Variants in ERO1A observed in about 807,000 individuals in gnomAD.
The protein encoded by ERO1A is ERO1-like protein alpha.
A neutral mutation model predicts 76.9 loss-of-function variants in ERO1A; 49 were observed. The observed-to-expected ratio is 0.64, with a 90% CI of 0.51 to 0.81. ERO1A has a LOEUF of 0.81. ERO1A is among the 30% of genes least tolerant of loss of function. ERO1A has a pLI of 0.00. For synonymous variants in ERO1A, 174 were observed against 181.2 expected, an observed-to-expected ratio of 0.96 and a Z score of 0.32; for missense variants, 448 against 542.1, an observed-to-expected ratio of 0.83 and a Z score of 1.72.
rs2039464768 is a variant in ERO1A, at chr14:52,641,358, T to C, written c.*2212A>G. 2 of 150,116 alleles carry C rather than the reference T, an allele frequency of 1.3e-5. No individual in the cohort carries two copies. The highest frequency in any genetic ancestry group is 4.9e-5 in the African/African-American group (2 of 40,664). 9.3% of individuals were successfully genotyped at this position (150,116 alleles called of 1,614,324 possible). Reference sequence around the variant, plus strand: ...GGCTCACGCCTGTAATCCCAGCACTTTGGGAGGTCGAGGTGGGTGGATCAC... The same window carrying C: ...GGCTCACGCCTGTAATCCCAGCACTCTGGGAGGTCGAGGTGGGTGGATCAC... On this transcript the variant is annotated 3_prime_UTR_variant, in exon 16 of 16. Coordinates refer to ENST00000395686, the MANE Select transcript of ERO1A (RefSeq NM_014584.3).
At chr14:52,694,678 C>G (rs1036868602) in intron 1 of ERO1A, among the ~76,000 whole-genome samples, 2 of 152,024 alleles carry the variant, frequency 1.3e-5, no homozygotes, top group African/African-American at 4.8e-5. Flanking sequence ...AACCACATCT[C>G]TTACAGAAGG....
At chr14:52,691,563 G>C (rs907151426) in intron 1 of ERO1A, among the ~76,000 whole-genome samples, 4 of 152,128 alleles carry the variant, frequency 2.6e-5, no homozygotes, top group African/African-American at 7.2e-5. Context: ...TCTCTCCCAC[G>C]GCCCAGCCAC....
At chr14:52,693,466 G>C (rs774671445) in intron 1 of ERO1A, among the ~76,000 whole-genome samples, 7 of 152,106 alleles carry the variant, frequency 4.6e-5, no homozygotes, top group Non-Finnish European at 8.8e-5. Context: ...GCGGGACCTT[G>C]TGATCATGTG....
chr14:52,650,490 T>TAA (rs34931114), intron 13 of ERO1A, among the ~76,000 whole-genome samples: 36 of 142,664 alleles, frequency 2.5e-4, no homozygotes, highest in Admixed American at 4.9e-4. Context: ...TAAACCTACT[T>TAA]AAAAAAAAAA....
At chr14:52,688,003 C>T (rs1401639207) in intron 1 of ERO1A, among the ~76,000 whole-genome samples, 1 of 152,016 alleles carries the variant, frequency 6.6e-6, no homozygotes, top group Admixed American at 6.6e-5. Context: ...CTGGGCAACA[C>T]AGTGAGGCCC....
At chr14:52,675,267 C>T (rs1042832719) in intron 4 of ERO1A, among the ~76,000 whole-genome samples, 6 of 151,890 alleles carry the variant, frequency 4.0e-5, no homozygotes, top group African/African-American at 1.5e-4. Context: ...CCTGTAATCC[C>T]AGCTACTCGG....
At chr14:52,685,740 G>T (rs2041155570) in intron 1 of ERO1A, among the ~76,000 whole-genome samples, 3 of 152,110 alleles carry the variant, frequency 2.0e-5, no homozygotes, top group Admixed American at 2.0e-4. Flanking sequence ...TTTTCAGGAA[G>T]CTGTCCTTCC....
chr14:52,659,629 G>A (rs1566638212), intron 9 of ERO1A, among the ~76,000 whole-genome samples: 1 of 151,928 alleles, frequency 6.6e-6, no homozygotes, highest in Non-Finnish European at 1.5e-5. Flanking sequence ...AAAAGTGCCT[G>A]GCACAGAGTT....
At chr14:52,681,796 C>T (rs573261620) in intron 3 of ERO1A, among the ~76,000 whole-genome samples, 9 of 151,464 alleles carry the variant, frequency 5.9e-5, no homozygotes, top group African/African-American at 2.0e-4. Context: ...GGCAAAAACA[C>T]ACCCGAAAAA....
chr14:52,651,592 A>G (rs2039869554), intron 13 of ERO1A, among the ~76,000 whole-genome samples: 1 of 152,170 alleles, frequency 6.6e-6, no homozygotes, highest in Non-Finnish European at 1.5e-5. Context: ...AAGAAAGATT[A>G]TGACTCTGAT....
At chr14:52,647,196 T>C (rs1163225591) in intron 13 of ERO1A, 2 of 127,026 alleles carry the variant, frequency 1.6e-5, no homozygotes, top group Non-Finnish European at 1.6e-5. Context: ...GAGGCAGGGT[T>C]TCACCATGTT....
At chr14:52,682,730 C>T (rs1184023209) in intron 2 of ERO1A, among the ~76,000 whole-genome samples, 1 of 152,002 alleles carries the variant, frequency 6.6e-6, no homozygotes, top group Non-Finnish European at 1.5e-5. Context: ...GAAACCCCGT[C>T]TCTACTAAAA....
rs114594901 is a variant in ERO1A, at chr14:52,661,066, G to A, written c.688+227C>T. On this transcript the variant is annotated intron_variant, in intron 9 of 15. Coordinates refer to ENST00000395686, the MANE Select transcript of ERO1A (RefSeq NM_014584.3). ...TTCCACATTCAGAGAGGTAAAATGT[G>A]CAAATGAATGATCAGAGGCTGAGGC... is the stretch of plus-strand genomic sequence containing the variant. Among the ~76,000 whole-genome samples the A allele has an allele frequency of 1.8e-3, 275 of 152,316 alleles. 1 individual carries two copies. Among genetic ancestry groups the A allele is most frequent in the African/African-American group, 6.3e-3 (261 of 41,562 alleles).
intron 6 of ERO1A, among the ~76,000 whole-genome samples, chr14:52,671,204 T>C (rs2040585450): frequency 6.6e-6 from 1 of 152,222 alleles, no homozygotes; most frequent in East Asian, 1.9e-4. Context: ...TAGTATTCCA[T>C]TGTGTGTTTT....
intron 1 of ERO1A, among the ~76,000 whole-genome samples, chr14:52,688,681 T>C (rs1421910942): frequency 2.6e-5 from 4 of 152,172 alleles, no homozygotes; most frequent in African/African-American, 7.2e-5. Flanking sequence ...GTAGCCCCAA[T>C]GGAACAAAGA....
At chr14:52,644,727 T>G (rs550394011) in intron 15 of ERO1A, among the ~76,000 whole-genome samples, 6 of 152,086 alleles carry the variant, frequency 3.9e-5, no homozygotes, top group African/African-American at 1.4e-4. Context: ...CTATAAAGAG[T>G]AAGAGTATTA....
intron 1 of ERO1A, among the ~76,000 whole-genome samples, chr14:52,688,224 T>G (rs1016452680): frequency 1.6e-4 from 25 of 151,998 alleles, no homozygotes; most frequent in Non-Finnish European, 2.8e-4. Flanking sequence ...CCTAGTCTTT[T>G]AAGAGTTAGA....
Position 52,658,505 on chromosome 14 carries a change from C to G in ERO1A, c.689-355G>C, listed in dbSNP as rs116703661. The G allele has an allele frequency of 2.2e-3, 396 of 180,584 alleles. 2 individuals are homozygous for G. The highest frequency in any genetic ancestry group is 9.0e-3 in the African/African-American group (379 of 42,330). The allele number at this position is 180,584 out of a possible 1,614,324, so 11.2% of individuals were successfully genotyped here. On this transcript the variant is annotated intron_variant, in intron 9 of 15. Transcript: ENST00000395686. ...TTGATAACAATTCATGCCATGAAAA[C>G]TAAGGATTCATTACATGCTTTTTAA...
intron 11 of ERO1A, 101 bp downstream of exon 11, chr14:52,657,816 T>G: frequency 1.4e-6 from 1 of 739,060 alleles, no homozygotes; most frequent in Non-Finnish European, 2.2e-6. Flanking sequence ...TGCCTAATAT[T>G]CAATCAGGTC....
Sources: allele counts gnomAD v4.1 joint callset (sites outside exome capture counted in the v4.1 genomes callset), GRCh38; gene constraint gnomAD v4.1.1; transcripts MANE v1.5; gene names NCBI Gene and HGNC (gene_info 2026-07-23, HGNC 2026-07-21).